VPS13C: variants seen among roughly 807,000 people sequenced by gnomAD.
VPS13C encodes vacuolar protein sorting 13 homolog C, also known as intermembrane lipid transfer protein VPS13C.
Under a neutral mutation model 456.8 loss-of-function variants are expected in VPS13C, and 358 were observed. The observed-to-expected ratio is 0.78, with a 90% CI of 0.72 to 0.86. VPS13C has a LOEUF of 0.86. Among genes scored for constraint, VPS13C ranks in the 40% least tolerant of loss-of-function variants. VPS13C has a pLI of 0.00. For synonymous variants in VPS13C, 1,578 were observed against 1,486.7 expected (o/e 1.06, Z -1.41); for missense variants, 4,818 against 4,385.4 (o/e 1.10, Z -2.79).
At chr15:61,866,371 T>C (rs1894591950) in intron 81 of VPS13C, 1 of 983,572 alleles carries the variant, frequency 1.0e-6, no homozygotes, top group South Asian at 4.7e-5. Flanking sequence ...TTGTGCTTTT[T>C]GACAGAGAGT....
At chr15:61,938,266 T>TGGGGGG (rs35262268) in intron 47 of VPS13C, among the ~76,000 whole-genome samples, 3 of 150,870 alleles carry the variant, frequency 2.0e-5, no homozygotes, top group African/African-American at 7.4e-5. Flanking sequence ...CACTTTGCTG[T>TGGGGGG]GGGGTGGGGG....
chr15:62,031,305 G>C (rs2047813209), intron 5 of VPS13C, among the ~76,000 whole-genome samples: 1 of 151,860 alleles, frequency 6.6e-6, no homozygotes, highest in Non-Finnish European at 1.5e-5. Context: ...CCCTCTCTGA[G>C]TCCCTATACA....
chr15:61,969,368 T>C lies in VPS13C; in HGVS notation c.2842A>G (p.Met948Val), dbSNP rs757489479. Residue 948 changes from methionine (M) to valine (V), a missense_variant, in exon 28 of 85, where the codon ATG becomes GTG. Around this residue, in one of 3 missense-constraint regions of VPS13C, gnomAD observed 4,552 missense variants for 4,130.6 expected, o/e 1.10. Coordinates refer to ENST00000644861, the MANE Select transcript of VPS13C (RefSeq NM_020821.3). ...ACCACAGTTAAGTCAAATGTTCTCATTGTGGCCTCTGTTCCTAACTGAGTA... is the reference window on the plus strand; with the variant it reads ...ACCACAGTTAAGTCAAATGTTCTCACTGTGGCCTCTGTTCCTAACTGAGTA... ...NVTQLGTEATMRTFDLTVVSY... is the reference protein window; with the variant it reads ...NVTQLGTEATVRTFDLTVVSY... 3.1e-6 allele frequency: 5 copies of C among 1,603,792 alleles called. No individual in the cohort carries two copies. The South Asian group carries it at 3.4e-5, about 11-fold the overall frequency.
At chr15:61,953,487 G>C (rs1401144128) in intron 38 of VPS13C, among the ~76,000 whole-genome samples, 3 of 149,846 alleles carry the variant, frequency 2.0e-5, no homozygotes, top group African/African-American at 7.4e-5. Flanking sequence ...AGAATATGTG[G>C]TGTTTGGTTT....
At chr15:61,959,669 C>T in intron 35 of VPS13C, 74 bp from the exon 36 acceptor site, 2 of 1,479,670 alleles carry the variant, frequency 1.4e-6, no homozygotes, top group Non-Finnish European at 1.8e-6. Context: ...AAAGCAAAGT[C>T]AAGCAGTTAT....
At position 61,983,948 on chromosome 15, in the gene VPS13C, G is replaced by A. The variant is rs1439050676; in HGVS notation, c.1786C>T (p.Leu596Phe). ...GTAGTGTCACCAATTGAAGCCACAA[G>A]TGATGGCACAATATCCTGCTGTCTC... ...GLRQQDIVPS[L>F]VASIGDTTSS... The change falls in exon 20 of 85, where the codon CTT becomes TTT. Residue 596 changes from leucine (L) to phenylalanine (F), a missense_variant. This residue lies in a region of VPS13C where 4,552 missense variants were observed against 4,130.6 expected (regional missense o/e 1.10). Transcript: ENST00000644861. 3.1e-6 allele frequency: 5 copies of A among 1,614,100 alleles called. No homozygotes were observed. The South Asian group carries it at 5.5e-5, about 18-fold the overall frequency.
At chr15:61,972,503 G>A (rs1017629169) in intron 27 of VPS13C, 122 bp downstream of exon 27, 9 of 960,696 alleles carry the variant, frequency 9.4e-6, no homozygotes, top group Non-Finnish European at 1.4e-5. Context: ...CATGTGTGTT[G>A]GGCAGCAGGA....
Position 61,922,567 on chromosome 15 carries a change from G to C in VPS13C, c.6805C>G (p.His2269Asp), listed in dbSNP as rs372868009. 6.2e-7 allele frequency: 1 copy of C among 1,614,080 alleles called. No homozygotes were observed. The highest frequency in any genetic ancestry group is 1.1e-5 in the South Asian group (1 of 91,080). Residue 2269 changes from histidine to aspartate, a missense_variant, in exon 54 of 85, where the codon CAT (histidine) becomes GAT (aspartate). His to Asp is a moderately conservative substitution (Grantham distance 81, BLOSUM62 -1). Transcript: ENST00000644861. ...EITESFKGIEHSLIEENCGVV... is the reference protein window; with the variant it reads ...EITESFKGIEDSLIEENCGVV... The stretch of plus-strand genomic sequence containing the variant: ...CCACAATTTTCCTCTATCAGTGAAT[G>C]TTCAATGCCTTTGAAGCTTTCCGTT...
intron 78 of VPS13C, among the ~76,000 whole-genome samples, chr15:61,872,865 T>C (rs182391341): frequency 1.1e-3 from 175 of 152,254 alleles, no homozygotes; most frequent in African/African-American, 3.5e-3. Flanking sequence ...TAAAAAGTAA[T>C]GAAAGGCAGT....
intron 3 of VPS13C, among the ~76,000 whole-genome samples, chr15:62,039,408 A>G (rs1240576326): frequency 6.6e-6 from 1 of 152,152 alleles, no homozygotes; most frequent in Non-Finnish European, 1.5e-5. Flanking sequence ...ATAAATATGC[A>G]TAATAGCCTT....
intron 25 of VPS13C, among the ~76,000 whole-genome samples, chr15:61,974,057 A>T (rs1451042860): frequency 1.3e-5 from 2 of 152,166 alleles, no homozygotes; most frequent in Non-Finnish European, 2.9e-5. Context: ...TAAGCCTAAC[A>T]TATAAGAAAA....
chr15:61,881,429 C>T (rs1895840514), intron 71 of VPS13C, 134 bp downstream of exon 71: 1 of 856,614 alleles, frequency 1.2e-6, no homozygotes, highest in Admixed American at 3.4e-5. Flanking sequence ...GATTACTTGA[C>T]CAAAAGTGAA....
rs144893282 is a variant in VPS13C at position 61,962,247 on chromosome 15, C to T, written c.3603+124G>A. On this transcript the variant is annotated intron_variant, in intron 34 of 84. Transcript: ENST00000644861. ...ATAGGGGTTTTGATCTCTACATTCACGCATAAATATAATTAAAATAATGCC... is the reference window on the plus strand; with the variant it reads ...ATAGGGGTTTTGATCTCTACATTCATGCATAAATATAATTAAAATAATGCC... 766 of 832,142 alleles carry T rather than the reference C, an allele frequency of 9.2e-4. 4 individuals carry two copies. In the African/African-American group the frequency reaches 0.011, roughly 12 times the overall value. 51.5% of individuals were successfully genotyped at this position (832,142 alleles called of 1,614,324 possible).
chr15:62,054,179 C>G (rs1319212794), intron 1 of VPS13C, among the ~76,000 whole-genome samples: 1 of 152,206 alleles, frequency 6.6e-6, no homozygotes, highest in Non-Finnish European at 1.5e-5. Context: ...CTGGACACAT[C>G]TCAATAGCTA....
chr15:62,053,218 G>C (rs1237663821), intron 1 of VPS13C, among the ~76,000 whole-genome samples: 6 of 152,152 alleles, frequency 3.9e-5, no homozygotes, highest in Non-Finnish European at 7.4e-5. Flanking sequence ...ACCAAGTGCT[G>C]GCTGGGAGGA....
intron 71 of VPS13C, 69 bp downstream of exon 71, chr15:61,881,494 T>C (rs1895845136): frequency 2.8e-6 from 4 of 1,451,454 alleles, no homozygotes; most frequent in African/African-American, 1.4e-5. Flanking sequence ...TCAAAAAGAG[T>C]AAGATTTATT....
At position 61,858,499 on chromosome 15, in the gene VPS13C, C is replaced by A. The variant is rs754099990; in HGVS notation, c.10953-2090G>T. Reference sequence around the variant, plus strand: ...TTCCTACCATGATAGCTGCCACAGTCTCTATGGTAGACAGAATTCTAAGAC... The same window carrying A: ...TTCCTACCATGATAGCTGCCACAGTATCTATGGTAGACAGAATTCTAAGAC... On this transcript the variant is annotated intron_variant, in intron 82 of 84. Coordinates refer to ENST00000644861, the MANE Select transcript of VPS13C (RefSeq NM_020821.3). This position sits in a 1 kb window ranked among gnomAD's most constrained non-coding sequence, Gnocchi z 4.4. 6.6e-6 allele frequency among the ~76,000 whole-genome samples: 1 copy of A among 152,146 alleles called. No individual in the cohort carries two copies. Among genetic ancestry groups the A allele is most frequent in the Non-Finnish European group, 1.5e-5 (1 of 68,044 alleles).
At position 61,929,558 on chromosome 15, in the gene VPS13C, T is replaced by C; in HGVS notation, c.6229A>G (p.Lys2077Glu). The C allele has an allele frequency of 6.2e-7, 1 of 1,614,136 alleles. No homozygotes were observed. Residue 2077 changes from lysine to glutamate, a missense_variant, in exon 51 of 85, where the codon AAA becomes GAA. Transcript: ENST00000644861. ...TGTCTTGGTAAAATCTGTGTTTCTT[T>C]TGCCACATTTTCTGGACTCTGAGGC... ...AVPQSPENVAKETQILPRQTA... is the reference protein window; with the variant it reads ...AVPQSPENVAEETQILPRQTA...
In VPS13C at chr15:61,882,668, T is replaced by C; in HGVS notation, c.9552A>G (p.Leu3184=). Reference sequence around the variant, plus strand: ...GCTTAAATTCAATCTGAATTCCTGATAAAAAGTCTCGTTTAATAGGGCTAC... The same window carrying C: ...GCTTAAATTCAATCTGAATTCCTGACAAAAAGTCTCGTTTAATAGGGCTAC... ...PIRSPIKRDF[L]SGIQIEFKQS... The change falls in exon 69 of 85, where the codon TTA becomes TTG. Residue 3184 remains leucine, a synonymous_variant. Transcript: ENST00000644861. The C allele has an allele frequency of 6.2e-7, 1 of 1,601,076 alleles. No homozygotes were observed.
Sources: gnomAD v4.1 joint callset for allele counts (sites outside exome capture counted in the v4.1 genomes callset) on GRCh38, gnomAD v4.1.1 for gene constraint, gnomAD v4.1.1 regional missense constraint, Gnocchi (gnomAD v3.1) non-coding constraint, MANE v1.5 for transcripts, NCBI Gene and HGNC (gene_info 2026-07-23, HGNC 2026-07-21) for gene names.